RPTOR: variants seen among roughly 807,000 people sequenced by gnomAD.
The protein encoded by RPTOR is regulatory-associated protein of mTOR.
Under a neutral mutation model 169.9 loss-of-function variants are expected in RPTOR, and 21 were observed. That is an observed-to-expected ratio of 0.12 (90% CI 0.09 to 0.18). The LOEUF is 0.18. Ranked by LOEUF, RPTOR falls within the 10% of genes least tolerant of loss-of-function variation. The pLI is 1.00. For missense variants in RPTOR, 1,133 were observed against 1,855.9 expected, an observed-to-expected ratio of 0.61 and a Z score of 7.16; for synonymous variants, 732 against 753.2, an observed-to-expected ratio of 0.97 and a Z score of 0.46.
chr17:80,913,702 A>C (rs1230249759), intron 21 of RPTOR, among the ~76,000 whole-genome samples: 82 of 151,950 alleles, frequency 5.4e-4, no homozygotes, highest in South Asian at 3.6e-3. Context: ...ATTCACCCAC[A>C]TTTCCCTCCC....
chr17:80,888,571 G>A (rs750323463), intron 17 of RPTOR, among the ~76,000 whole-genome samples: 1 of 152,236 alleles, frequency 6.6e-6, no homozygotes, highest in Non-Finnish European at 1.5e-5. Flanking sequence ...GGTCAGTGCA[G>A]CCGTGTCAAC....
intron 24 of RPTOR, among the ~76,000 whole-genome samples, chr17:80,937,763 TC>T (rs1017359509): frequency 1.3e-4 from 20 of 152,346 alleles, no homozygotes; most frequent in Non-Finnish European, 2.2e-4. Flanking sequence ...ATTTGCTGCC[TC>T]CGTGCTGAGC....
chr17:80,802,057 TA>T (rs1163229179), intron 7 of RPTOR: 1 of 152,174 alleles, frequency 6.6e-6, no homozygotes, highest in Non-Finnish European at 1.5e-5. Flanking sequence ...TCCGGATTGG[TA>T]GGGGTGGAGG....
intron 3 of RPTOR, among the ~76,000 whole-genome samples, chr17:80,644,299 G>A (rs1224009584): frequency 1.6e-5 from 2 of 123,070 alleles, no homozygotes; most frequent in African/African-American, 3.3e-5. Context: ...TTACCAATTA[G>A]TGTGTGGGTT....
chr17:80,634,260 A>G (rs1459861789), intron 2 of RPTOR, among the ~76,000 whole-genome samples: 4,113 of 94,684 alleles, frequency 0.043, 581 homozygotes, highest in African/African-American at 0.2. Flanking sequence ...GTATGCGTGC[A>G]TACCGTGTGT....
rs1283964594 is a variant in RPTOR, at chr17:80,820,429, G to A, written c.891-1772G>A. 6.6e-6 allele frequency among the ~76,000 whole-genome samples: 1 copy of A among 152,260 alleles called. No homozygotes were observed. Among genetic ancestry groups the A allele is most frequent in the East Asian group, 1.9e-4 (1 of 5,170 alleles). On this transcript the variant is annotated intron_variant, in intron 7 of 33. Coordinates refer to ENST00000306801, the MANE Select transcript of RPTOR (RefSeq NM_020761.3). This position sits in a 1 kb window ranked among gnomAD's most constrained non-coding sequence, Gnocchi z 4.1. ...GTGCTGTTTCCTAGGGCTGTGTCCC[G>A]GGCAGCCACCCCTGTTCGCGCTGGC...
In RPTOR at chr17:80,823,284, C is replaced by T. The variant is rs910534102; in HGVS notation, c.1136+61C>T. On this transcript the variant is annotated intron_variant, in intron 9 of 33. Coordinates refer to ENST00000306801, the MANE Select transcript of RPTOR (RefSeq NM_020761.3). The surrounding 1 kb of genome is among the most constrained non-coding windows in gnomAD (Gnocchi z 4.5). The stretch of plus-strand genomic sequence containing the variant: ...CCCGCCCTCCGTGGCACTGTGATGT[C>T]ATGGAATTGCACGGAGCTGGGCAGG... The T allele has an allele frequency of 4.4e-6, 7 of 1,589,944 alleles. No homozygotes were observed. Among genetic ancestry groups the T allele is most frequent in the Non-Finnish European group, 5.1e-6 (6 of 1,165,848 alleles).
chr17:80,897,074 G>A (rs6565487), intron 20 of RPTOR, among the ~76,000 whole-genome samples: 110,516 of 151,874 alleles, frequency 0.73, 40,591 homozygotes, highest in Admixed American at 0.79. Context: ...AGACCATCCC[G>A]GCCAACATGG....
intron 1 of RPTOR, among the ~76,000 whole-genome samples, chr17:80,561,263 G>GTATGTATATATATATATATATA (rs2084488080): frequency 3.6e-4 from 7 of 19,640 alleles, no homozygotes; most frequent in African/African-American, 6.4e-4. Flanking sequence ...ATATATATAT[G>GTATGTATATATATATATATATA]TATATATATA....
chr17:80,594,014 T>C (rs1004801320), intron 1 of RPTOR, among the ~76,000 whole-genome samples: 4 of 152,212 alleles, frequency 2.6e-5, no homozygotes, highest in Non-Finnish European at 1.5e-5. Context: ...CATTTAGTGA[T>C]ATTGCCGTTC....
intron 7 of RPTOR, chr17:80,805,673 T>A (rs1598318068): frequency 6.6e-6 from 1 of 152,324 alleles, no homozygotes; most frequent in East Asian, 1.9e-4. Flanking sequence ...AATCTGCCTG[T>A]TTAATAAAAA....
intron 13 of RPTOR, among the ~76,000 whole-genome samples, chr17:80,863,211 G>A (rs373627177): frequency 1.6e-4 from 25 of 152,254 alleles, no homozygotes; most frequent in Admixed American, 1.0e-3. Context: ...AGATGGTACC[G>A]CACAGGACAA....
intron 21 of RPTOR, among the ~76,000 whole-genome samples, chr17:80,917,405 C>T (rs1335123245): frequency 1.3e-5 from 2 of 152,188 alleles, no homozygotes; most frequent in African/African-American, 2.4e-5. Flanking sequence ...TGAGCCACTG[C>T]ACCCGGCCAT....
In RPTOR at chr17:80,721,318, T is replaced by G. The variant is rs2066284330; in HGVS notation, c.508-9242T>G. Among the ~76,000 whole-genome samples the G allele has an allele frequency of 6.6e-6, 1 of 151,282 alleles. No individual in the cohort carries two copies. The highest frequency in any genetic ancestry group is 2.5e-5 in the African/African-American group (1 of 40,604). On this transcript the variant is annotated intron_variant, in intron 4 of 33. Transcript: ENST00000306801. The surrounding 1 kb of genome is among the most constrained non-coding windows in gnomAD (Gnocchi z 4.7). ...TCTCACGACTGTGAGTCATTGAGGC[T>G]CCTGGACGCGGCGGAAGTGCAAGCG...
At chr17:80,634,887 T>C (rs1463584017) in intron 2 of RPTOR, among the ~76,000 whole-genome samples, 2 of 147,842 alleles carry the variant, frequency 1.4e-5, no homozygotes, top group Admixed American at 6.7e-5. Context: ...GTGCATACTT[T>C]GTGTGTGCAT....
chr17:80,608,385 C>T (rs2065243613), intron 1 of RPTOR, among the ~76,000 whole-genome samples: 1 of 152,160 alleles, frequency 6.6e-6, no homozygotes, highest in Admixed American at 6.5e-5. Flanking sequence ...GCATGGAAAA[C>T]TTTGTGGGCC....
At position 80,942,534 on chromosome 17, in the gene RPTOR, G is replaced by C. The variant is rs1598414486; in HGVS notation, c.3025+1933G>C. On this transcript the variant is annotated intron_variant, in intron 25 of 33. Coordinates refer to ENST00000306801, the MANE Select transcript of RPTOR (RefSeq NM_020761.3). ...ACAGGGGATGGTGCCAGCAGGCGTGGTGCCAGCAGGCGTAGTGCCGGGAGT... is the reference window on the plus strand; with the variant it reads ...ACAGGGGATGGTGCCAGCAGGCGTGCTGCCAGCAGGCGTAGTGCCGGGAGT... Among the ~76,000 whole-genome samples the C allele has an allele frequency of 2.0e-5, 3 of 152,226 alleles. 1 individual carries two copies. The East Asian group carries it at 5.8e-4, about 29-fold the overall frequency.
chr17:80,719,697 G>T (rs2066269008), intron 4 of RPTOR, among the ~76,000 whole-genome samples: 1 of 152,142 alleles, frequency 6.6e-6, no homozygotes, highest in Non-Finnish European at 1.5e-5. Context: ...CCAGAAGCAG[G>T]GGGTCGTGGC....
chr17:80,690,388 A>G (rs935137813), intron 3 of RPTOR, among the ~76,000 whole-genome samples: 1 of 152,168 alleles, frequency 6.6e-6, no homozygotes, highest in Non-Finnish European at 1.5e-5. Flanking sequence ...AAGTGAGATG[A>G]ATGTATTGTG....
Sources: allele counts gnomAD v4.1 joint callset (sites outside exome capture counted in the v4.1 genomes callset), GRCh38; gene constraint gnomAD v4.1.1; non-coding constraint Gnocchi (gnomAD v3.1); transcripts MANE v1.5; gene names NCBI Gene and HGNC (gene_info 2026-07-23, HGNC 2026-07-21).